PIEZO2: variants seen among roughly 807,000 people sequenced by gnomAD.
PIEZO2 encodes the protein piezo type mechanosensitive ion channel component 2, also known as piezo-type mechanosensitive ion channel component 2.
A neutral mutation model predicts 337.3 loss-of-function variants in PIEZO2; 172 were observed. That is an observed-to-expected ratio of 0.51 (90% CI 0.45 to 0.58). The LOEUF (loss-of-function observed/expected upper bound fraction) is 0.58. PIEZO2 is among the 20% of genes least tolerant of loss of function. The pLI, the probability that PIEZO2 is intolerant of heterozygous loss-of-function variation, is 0.00. For missense variants in PIEZO2, 3,028 were observed against 3,391.3 expected, an observed-to-expected ratio of 0.89 and a Z score of 2.66; for synonymous variants, 1,251 against 1,228.5, an observed-to-expected ratio of 1.02 and a Z score of -0.38.
chr18:11,104,204 T>C lies in PIEZO2; in HGVS notation c.65-37982A>G, dbSNP rs1015023296. ...AATGCATAATGCACCAGGAGAATGGTCTATGTAACACTTGGAGCCCAGAAT... is the reference window on the plus strand; with the variant it reads ...AATGCATAATGCACCAGGAGAATGGCCTATGTAACACTTGGAGCCCAGAAT... On this transcript the variant is annotated intron_variant, in intron 1 of 55. Transcript: ENST00000674853. This position sits in a 1 kb window ranked among gnomAD's most constrained non-coding sequence, Gnocchi z 4.6. Among the ~76,000 whole-genome samples, 5 of 152,074 alleles carry C rather than the reference T, an allele frequency of 3.3e-5. No individual in the cohort carries two copies. Among genetic ancestry groups the C allele is most frequent in the African/African-American group, 1.2e-4 (5 of 41,404 alleles).
chr18:10,944,569 A>G lies in PIEZO2; in HGVS notation c.287-33341T>C, dbSNP rs1029664733. Among the ~76,000 whole-genome samples, 19 of 145,702 alleles carry G rather than the reference A, an allele frequency of 1.3e-4. No individual in the cohort carries two copies. The Admixed American group carries it at 1.3e-3, about 10-fold the overall frequency. Reference sequence around the variant, plus strand: ...ATCTTAGTAACAGATATATATATATATATCTAAGTGAAAGTAAAGAACACC... The same window carrying G: ...ATCTTAGTAACAGATATATATATATGTATCTAAGTGAAAGTAAAGAACACC... On this transcript the variant is annotated intron_variant, in intron 3 of 55. Coordinates refer to ENST00000674853, the MANE Select transcript of PIEZO2 (RefSeq NM_001378183.1).
At chr18:11,000,307 T>G (rs1366353146) in intron 2 of PIEZO2, among the ~76,000 whole-genome samples, 2 of 152,246 alleles carry the variant, frequency 1.3e-5, no homozygotes, top group Admixed American at 6.5e-5. Flanking sequence ...TCCAATTTTG[T>G]ATTGGCATAT....
intron 1 of PIEZO2, among the ~76,000 whole-genome samples, chr18:11,124,564 A>T (rs1230965153): frequency 1.3e-5 from 2 of 152,190 alleles, no homozygotes. Flanking sequence ...TTCCCAAACC[A>T]GATAGTTCCT....
Position 10,855,641 on chromosome 18 carries a change from T to G in PIEZO2, c.704-75A>C. On this transcript the variant is annotated intron_variant, in intron 6 of 55. Transcript: ENST00000674853. This position sits in a 1 kb window ranked among gnomAD's most constrained non-coding sequence, Gnocchi z 4.9. ...TTATCATTCAGTGAATGTGACTATT[T>G]GAAATTATGTGAATTTCCTTCAAGT... is the stretch of plus-strand genomic sequence containing the variant. 1 of 1,143,686 alleles carries G rather than the reference T, an allele frequency of 8.7e-7. No individual in the cohort carries two copies. The highest frequency in any genetic ancestry group is 2.6e-5 in the East Asian group (1 of 38,540). 70.8% of individuals were successfully genotyped at this position (1,143,686 alleles called of 1,614,324 possible).
chr18:11,124,304 T>C (rs180905045), intron 1 of PIEZO2, among the ~76,000 whole-genome samples: 193 of 152,340 alleles, frequency 1.3e-3, no homozygotes, highest in Admixed American at 3.7e-3. Flanking sequence ...TCACAATGGC[T>C]ACTGTATAAA....
rs914512672 is a variant in PIEZO2 at position 10,833,384 on chromosome 18, G to C, written c.917+21969C>G. Among the ~76,000 whole-genome samples, 1 of 152,094 alleles carries C rather than the reference G, an allele frequency of 6.6e-6. No homozygotes were observed. Among genetic ancestry groups the C allele is most frequent in the African/African-American group, 2.4e-5 (1 of 41,400 alleles). On this transcript the variant is annotated intron_variant, in intron 7 of 55. Coordinates refer to ENST00000674853, the MANE Select transcript of PIEZO2 (RefSeq NM_001378183.1). The surrounding 1 kb of genome is among the most constrained non-coding windows in gnomAD (Gnocchi z 4.7). ...ACCTGCAGCCTCGCCCTCTCCTGTT[G>C]GAATCATGTGGGGATCTTCTAAAGC...
At chr18:11,145,208 T>C (rs2040777672) in intron 1 of PIEZO2, among the ~76,000 whole-genome samples, 1 of 152,224 alleles carries the variant, frequency 6.6e-6, no homozygotes, top group Admixed American at 6.5e-5. Context: ...ACTATATGCA[T>C]ATCCATCACA....
intron 2 of PIEZO2, among the ~76,000 whole-genome samples, chr18:11,058,990 A>T (rs1315149908): frequency 7.9e-5 from 12 of 152,200 alleles, no homozygotes; most frequent in Non-Finnish European, 1.5e-4. Flanking sequence ...GAAAAAATGT[A>T]AAGGGCAGCC....
intron 1 of PIEZO2, among the ~76,000 whole-genome samples, chr18:11,086,140 A>T (rs1161810346): frequency 6.6e-6 from 1 of 152,210 alleles, no homozygotes; most frequent in Non-Finnish European, 1.5e-5. Flanking sequence ...TAATATTAAA[A>T]TTATTGGTGT....
rs535729973 is a variant in PIEZO2, at chr18:11,003,366, T to C, written c.161-23706A>G. On this transcript the variant is annotated intron_variant, in intron 2 of 55. Transcript: ENST00000674853. The surrounding 1 kb of genome is among the most constrained non-coding windows in gnomAD (Gnocchi z 4.6). ...CTGCGGCTTTAAGCAAAACGATGTA[T>C]AGCAAAAACAATTAAACCATAGTCG... Among the ~76,000 whole-genome samples, 1 of 152,302 alleles carries C rather than the reference T, an allele frequency of 6.6e-6. No homozygotes were observed. Among genetic ancestry groups the C allele is most frequent in the African/African-American group, 2.4e-5 (1 of 41,544 alleles).
intron 33 of PIEZO2, chr18:10,740,020 T>C (rs1302654284): frequency 6.6e-6 from 1 of 152,200 alleles, no homozygotes; most frequent in East Asian, 1.9e-4. Context: ...CCTACAATTG[T>C]GTGATGTTAT....
chr18:10,743,383 A>G (rs529611175), intron 31 of PIEZO2, among the ~76,000 whole-genome samples: 20 of 152,264 alleles, frequency 1.3e-4, no homozygotes, highest in African/African-American at 4.8e-4. Context: ...TTCCATGGCC[A>G]TCACCTTTTA....
Position 10,677,770 on chromosome 18 carries a change from G to T in PIEZO2, c.8058C>A (p.Ser2686Arg), listed in dbSNP as rs1291579281. ...KNIAKMIAGNSTESSKTPVTI... is the reference protein window; with the variant it reads ...KNIAKMIAGNRTESSKTPVTI... The stretch of plus-strand genomic sequence containing the variant: ...ACACTGGTGTTTTTGAACTTTCTGT[G>T]CTGTTGCCTGCTATCATTTTAGCGA... Residue 2686 changes from serine to arginine, a missense_variant, in exon 53 of 56, where the codon AGC becomes AGA. Ser to Arg is a moderately radical substitution (Grantham distance 110, BLOSUM62 -1). Around this residue, in one of 5 missense-constraint regions of PIEZO2, gnomAD observed 332 missense variants for 363.8 expected, o/e 0.91. Transcript: ENST00000674853. The surrounding 1 kb of genome is among the most constrained non-coding windows in gnomAD (Gnocchi z 4.1). 6.2e-7 allele frequency: 1 copy of T among 1,610,482 alleles called. No homozygotes were observed. The highest frequency in any genetic ancestry group is 8.5e-7 in the Non-Finnish European group (1 of 1,179,250).
In PIEZO2 at chr18:11,101,503, A is replaced by C. The variant is rs2039417684; in HGVS notation, c.65-35281T>G. Among the ~76,000 whole-genome samples, 1 of 152,220 alleles carries C rather than the reference A, an allele frequency of 6.6e-6. No individual in the cohort carries two copies. Among genetic ancestry groups the C allele is most frequent in the Non-Finnish European group, 1.5e-5 (1 of 68,032 alleles). Reference sequence around the variant, plus strand: ...TATTATAAAACACAACATTATTTTTAAGCACCAGTGAGAAAAAAAGCTGCC... The same window carrying C: ...TATTATAAAACACAACATTATTTTTCAGCACCAGTGAGAAAAAAAGCTGCC... On this transcript the variant is annotated intron_variant, in intron 1 of 55. Transcript: ENST00000674853. The surrounding 1 kb of genome is among the most constrained non-coding windows in gnomAD (Gnocchi z 4.4).
At chr18:11,133,600 C>T (rs549840172) in intron 1 of PIEZO2, among the ~76,000 whole-genome samples, 58 of 152,180 alleles carry the variant, frequency 3.8e-4, no homozygotes, top group African/African-American at 1.3e-3. Context: ...GGCAGAAAAA[C>T]GTGAAAAGGA....
intron 28 of PIEZO2, 59 bp downstream of exon 28, chr18:10,752,577 G>A (rs893405462): frequency 1.3e-6 from 2 of 1,502,880 alleles, no homozygotes; most frequent in African/African-American, 1.4e-5. Flanking sequence ...TAACCACTGA[G>A]TGGACTGTTT....
chr18:10,696,498 T>C lies in PIEZO2; in HGVS notation c.6869A>G (p.Asn2290Ser). 6.2e-7 allele frequency: 1 copy of C among 1,613,876 alleles called. No individual in the cohort carries two copies. The highest frequency in any genetic ancestry group is 1.7e-5 in the Admixed American group (1 of 60,002). ...IYVPIKQFFY[N>S]LIHPEYSAVT... ...GGCGCTATACTCCGGGTGGATGAGGTTGTAAAAGAACTGTTTGATGGGCAC... is the reference window on the plus strand; with the variant it reads ...GGCGCTATACTCCGGGTGGATGAGGCTGTAAAAGAACTGTTTGATGGGCAC... The change falls in exon 46 of 56, where the codon AAC becomes AGC. Residue 2290 changes from asparagine (N) to serine (S), a missense_variant. Coordinates refer to ENST00000674853, the MANE Select transcript of PIEZO2 (RefSeq NM_001378183.1).
intron 7 of PIEZO2, among the ~76,000 whole-genome samples, chr18:10,848,825 C>T (rs1168558991): frequency 6.6e-6 from 1 of 152,166 alleles, no homozygotes; most frequent in East Asian, 1.9e-4. Flanking sequence ...AGAAATAAAT[C>T]TATAGGTTCC....
At chr18:10,866,476 A>G (rs142628127) in intron 5 of PIEZO2, among the ~76,000 whole-genome samples, 71 of 152,174 alleles carry the variant, frequency 4.7e-4, no homozygotes, top group Non-Finnish European at 6.5e-4. Flanking sequence ...TAGTAGAGAC[A>G]GGGTTTCACT....
Sources: allele counts gnomAD v4.1 joint callset (sites outside exome capture counted in the v4.1 genomes callset), GRCh38; gene constraint gnomAD v4.1.1; regional missense constraint gnomAD v4.1.1; non-coding constraint Gnocchi (gnomAD v3.1); transcripts MANE v1.5; gene names NCBI Gene and HGNC (gene_info 2026-07-23, HGNC 2026-07-21).